The following ANKRD35 variants were observed in gnomAD, a reference collection of about 807,000 sequenced individuals.
ANKRD35 encodes ankyrin repeat domain 35, also known as ankyrin repeat domain-containing protein 35.
ANKRD35 carries 102 observed loss-of-function variants against 109.9 expected under a neutral mutation model. That is an observed-to-expected ratio of 0.93 (90% CI 0.79 to 1.09). ANKRD35 has a LOEUF of 1.09. ANKRD35 is among the 50% of genes least tolerant of loss of function. ANKRD35 has a pLI of 0.00. For synonymous variants in ANKRD35, 515 were observed against 512.4 expected (o/e 1.01, Z -0.07); for missense variants, 1,240 against 1,230.1 (o/e 1.01, Z -0.12).
At chr1:145,876,117 G>A in intron 7 of ANKRD35, 23 bp downstream of exon 7, 2 of 1,607,084 alleles carry the variant, frequency 1.2e-6, no homozygotes, top group South Asian at 1.1e-5. Context: ...GGGAATTGGG[G>A]TGCATAGACG....
Position 145,872,339 on chromosome 1 carries a change from C to T in ANKRD35, c.2430G>A (p.Leu810=). ...MSGKSQEIGK[L]KQLLYQATEE... ...CTGTGGCTTGGTAGAGCAGCTGCTT[C>T]AGCTTTCCGATCTCCTGGCTCTTCC... The change falls in exon 10 of 14, where the codon CTG becomes CTA. Residue 810 remains leucine (L), a synonymous_variant. Coordinates refer to ENST00000355594, the MANE Select transcript of ANKRD35 (RefSeq NM_144698.5). 6.2e-7 allele frequency: 1 copy of T among 1,612,988 alleles called. No individual in the cohort carries two copies. The highest frequency in any genetic ancestry group is 8.5e-7 in the Non-Finnish European group (1 of 1,179,528).
intron 2 of ANKRD35, 31 bp downstream of exon 2, chr1:145,879,227 G>A: frequency 6.5e-7 from 1 of 1,545,716 alleles, no homozygotes; most frequent in East Asian, 2.4e-5. Flanking sequence ...GGAGCCACAT[G>A]TAAGGGGCAG....
At chr1:145,875,465 C>T (rs587601580) in intron 7 of ANKRD35, among the ~76,000 whole-genome samples, 1 of 152,096 alleles carries the variant, frequency 6.6e-6, no homozygotes, top group East Asian at 1.9e-4. Context: ...TTTTCAAATG[C>T]CATTCCTTAG....
chr1:145,881,708 C>T (rs928974722), intron 1 of ANKRD35, among the ~76,000 whole-genome samples: 1 of 152,158 alleles, frequency 6.6e-6, no homozygotes, highest in Non-Finnish European at 1.5e-5. Context: ...AGGCATGTAA[C>T]AACATCTCTG....
Position 145,872,954 on chromosome 1 carries a change from T to C in ANKRD35, c.1815A>G (p.Leu605=). The C allele has an allele frequency of 6.2e-7, 1 of 1,611,218 alleles. No homozygotes were observed. Residue 605 remains leucine, a synonymous_variant, in exon 10 of 14, where the codon CTA becomes CTG. Transcript: ENST00000355594. ...PLGALGGEKA[L]GGLAKGQLEK... is the part of the protein sequence containing the mutation. ...CCAGCTGTCCCTTTGCCAGGCCTCC[T>C]AGGGCCTTTTCCCCTCCAAGGGCCC...
rs140892427 is a variant in ANKRD35 at position 145,875,248 on chromosome 1, C to T, written c.561-242G>A. ...GCAACCTCTGCCTCCCAGGTTCATG[C>T]GATTCTCCTGCCTCAACCTCCCGAG... On this transcript the variant is annotated intron_variant, in intron 7 of 13. Transcript: ENST00000355594. 5.7e-3 allele frequency among the ~76,000 whole-genome samples: 860 copies of T among 151,820 alleles called. 8 individuals are homozygous for T. The highest frequency in any genetic ancestry group is 0.028 in the South Asian group (134 of 4,800).
Position 145,873,060 on chromosome 1 carries a change from G to T in ANKRD35, c.1709C>A (p.Ala570Asp), listed in dbSNP as rs375754746. The T allele has an allele frequency of 1.9e-6, 3 of 1,611,466 alleles. No homozygotes were observed. Among genetic ancestry groups the T allele is most frequent in the Non-Finnish European group, 1.7e-6 (2 of 1,178,762 alleles). ...EVPSQESREG[A>D]LKAAPGSIKQ... ...GATGCTCCCTGGGGCTGCCTTTAGG[G>T]CTCCCTCTCTGGACTCCTGGGAAGG... The change falls in exon 10 of 14, where the codon GCC (alanine) becomes GAC (aspartate). Residue 570 changes from alanine to aspartate, a missense_variant. Physicochemically the swap from Ala to Asp is moderately radical, Grantham distance 126. Coordinates refer to ENST00000355594, the MANE Select transcript of ANKRD35 (RefSeq NM_144698.5).
At chr1:145,883,365 G>A (rs1347135832) in intron 1 of ANKRD35, among the ~76,000 whole-genome samples, 2 of 152,212 alleles carry the variant, frequency 1.3e-5, no homozygotes, top group East Asian at 1.9e-4. Context: ...GATTACAGGC[G>A]TGAGCCACTG....
chr1:145,871,683 A>C (rs1653826555), intron 10 of ANKRD35, among the ~76,000 whole-genome samples: 1 of 152,160 alleles, frequency 6.6e-6, no homozygotes, highest in Admixed American at 6.6e-5. Context: ...CCAAATGCTA[A>C]TAAACGATGG....
At position 145,872,915 on chromosome 1, in the gene ANKRD35, T is replaced by C. The variant is rs1553739152; in HGVS notation, c.1854A>G (p.Ser618=). The change falls in exon 10 of 14, where the codon TCA becomes TCG. Residue 618 remains serine, a synonymous_variant. Coordinates refer to ENST00000355594, the MANE Select transcript of ANKRD35 (RefSeq NM_144698.5). ...LAKGQLEKEM[S]VLRLSNSNLL... is the part of the protein sequence containing the mutation. ...AGTTACTGTTGCTCAGTCTCAGTACTGACATCTCCTTCTCCAGCTGTCCCT... is the reference window on the plus strand; with the variant it reads ...AGTTACTGTTGCTCAGTCTCAGTACCGACATCTCCTTCTCCAGCTGTCCCT... The C allele has an allele frequency of 2.9e-5, 47 of 1,613,176 alleles. No homozygotes were observed. Among genetic ancestry groups the C allele is most frequent in the Non-Finnish European group, 3.8e-5 (45 of 1,179,396 alleles).
Position 145,874,986 on chromosome 1 carries a change from C to T in ANKRD35, c.581G>A (p.Cys194Tyr), listed in dbSNP as rs1022480196. The change falls in exon 8 of 14, where the codon TGT becomes TAT. Residue 194 changes from cysteine to tyrosine, a missense_variant. Physicochemically the swap from Cys to Tyr is radical, Grantham distance 194. Coordinates refer to ENST00000355594, the MANE Select transcript of ANKRD35 (RefSeq NM_144698.5). ...KNDKSALILA[C>Y]EKGSAEVAEL... ...AGCCACCTCGGCACTGCCTTTCTCA[C>T]AGGCCAGGATCAAAGCCGATCTGTG... 1.9e-6 allele frequency: 3 copies of T among 1,610,424 alleles called. No homozygotes were observed. The highest frequency in any genetic ancestry group is 2.5e-6 in the Non-Finnish European group (3 of 1,178,378).
intron 1 of ANKRD35, among the ~76,000 whole-genome samples, chr1:145,885,125 A>T (rs1468753642): frequency 1.3e-5 from 2 of 152,202 alleles, no homozygotes; most frequent in African/African-American, 4.8e-5. Flanking sequence ...GAGGAACAGC[A>T]GTGCTGGTGA....
At chr1:145,882,550 T>C (rs1654332651) in intron 1 of ANKRD35, among the ~76,000 whole-genome samples, 1 of 151,782 alleles carries the variant, frequency 6.6e-6, no homozygotes, top group South Asian at 2.1e-4. Context: ...CACCTCAGCC[T>C]CCCAAAGTGC....
chr1:145,872,227 C>T lies in ANKRD35; in HGVS notation c.2542G>A (p.Ala848Thr). The T allele has an allele frequency of 6.2e-7, 1 of 1,610,720 alleles. No homozygotes were observed. Among genetic ancestry groups the T allele is most frequent in the Non-Finnish European group, 8.5e-7 (1 of 1,178,582 alleles). Residue 848 changes from alanine to threonine, a missense_variant, in exon 10 of 14, where the codon GCT (alanine) becomes ACT (threonine). Transcript: ENST00000355594. Reference sequence around the variant, plus strand: ...AGAGCCTTTAGCTCCTGGCCCCAAGCCTGAGCCTGGGCCACCAGCGAACCC... The same window carrying T: ...AGAGCCTTTAGCTCCTGGCCCCAAGTCTGAGCCTGGGCCACCAGCGAACCC... ...TRGSLVAQAQ[A>T]WGQELKALLE...
intron 1 of ANKRD35, among the ~76,000 whole-genome samples, chr1:145,885,164 G>T (rs1242394705): frequency 1.3e-5 from 2 of 152,202 alleles, no homozygotes; most frequent in Non-Finnish European, 2.9e-5. Context: ...GCATGGGGCA[G>T]GAGGGAAGCA....
At chr1:145,871,424 A>G (rs941522003) in intron 10 of ANKRD35, among the ~76,000 whole-genome samples, 1 of 151,742 alleles carries the variant, frequency 6.6e-6, no homozygotes. Flanking sequence ...CGGCATCCCA[A>G]AGTGCTGGGA....
At position 145,876,624 on chromosome 1, in the gene ANKRD35, G is replaced by T. The variant is rs1057327106; in HGVS notation, c.398C>A (p.Ala133Asp). ...PLHWAASSGCASSVLLLCDHE... is the reference protein window; with the variant it reads ...PLHWAASSGCDSSVLLLCDHE... ...GTCACACAGCAGGAGCACACTTGAG[G>T]CACAGCCAGAGGAGGCTGGGGAGAA... is the stretch of plus-strand genomic sequence containing the variant. Residue 133 changes from alanine to aspartate, a missense_variant, in exon 6 of 14, where the codon GCC becomes GAC. Ala to Asp is a moderately radical substitution (Grantham distance 126). Transcript: ENST00000355594. The T allele has an allele frequency of 1.2e-6, 2 of 1,614,162 alleles. No individual in the cohort carries two copies. The highest frequency in any genetic ancestry group is 1.7e-6 in the Non-Finnish European group (2 of 1,180,042).
At chr1:145,879,884 G>A (rs1654224502) in intron 1 of ANKRD35, among the ~76,000 whole-genome samples, 1 of 152,008 alleles carries the variant, frequency 6.6e-6, no homozygotes, top group Non-Finnish European at 1.5e-5. Context: ...TTAAGGCACC[G>A]AGCTTCAGGT....
chr1:145,881,556 C>T (rs1654286143), intron 1 of ANKRD35, among the ~76,000 whole-genome samples: 1 of 152,154 alleles, frequency 6.6e-6, no homozygotes, highest in East Asian at 1.9e-4. Flanking sequence ...TTTCTAATGG[C>T]CTTTGGAGAC....
Sources: gnomAD v4.1 joint callset for allele counts (sites outside exome capture counted in the v4.1 genomes callset) on GRCh38, gnomAD v4.1.1 for gene constraint, MANE v1.5 for transcripts, NCBI Gene and HGNC (gene_info 2026-07-23, HGNC 2026-07-21) for gene names.